Variants in PSMD6 observed in about 807,000 individuals in gnomAD.
PSMD6 encodes the protein 26S proteasome non-ATPase regulatory subunit 6.
PSMD6 carries 7 observed loss-of-function variants against 44.9 expected under a neutral mutation model. That is an observed-to-expected ratio of 0.16 (90% CI 0.09 to 0.29). The LOEUF (loss-of-function observed/expected upper bound fraction) is 0.29, where lower values mean the gene tolerates loss of function less well. Among genes scored for constraint, PSMD6 ranks in the 10% least tolerant of loss-of-function variants. The probability of loss-of-function intolerance (pLI) is 1.00; values close to 1 mark genes in which losing one functional copy is unlikely to be tolerated. For synonymous variants in PSMD6, 184 were observed against 172.7 expected (o/e 1.07, Z -0.51); for missense variants, 420 against 482.6 (o/e 0.87, Z 1.21).
intron 5 of PSMD6, chr3:64,017,338 C>G (rs2076061872): frequency 6.6e-6 from 1 of 151,940 alleles, no homozygotes. Context: ...TACAATAACC[C>G]CAGGAATGCA....
intron 1 of PSMD6, 129 bp from the exon 2 acceptor site, chr3:64,022,652 T>A (rs2076150881): frequency 6.4e-7 from 1 of 1,551,452 alleles, no homozygotes; most frequent in Non-Finnish European, 8.7e-7. Context: ...CAGGAAGGCA[T>A]GCGATGGCGC....
chr3:64,016,735 G>C (rs1345940401), intron 5 of PSMD6: 1 of 152,200 alleles, frequency 6.6e-6, no homozygotes, highest in Non-Finnish European at 1.5e-5. Context: ...TGATGGGAAT[G>C]TCAAATGGTG....
chr3:64,021,768 TC>T (rs995892616), intron 2 of PSMD6, among the ~76,000 whole-genome samples: 1 of 149,416 alleles, frequency 6.7e-6, no homozygotes, highest in African/African-American at 2.5e-5. Flanking sequence ...CCAAGATCAC[TC>T]CATTGTACTC....
chr3:64,018,845 G>C lies in PSMD6; in HGVS notation c.690C>G (p.Ala230=), dbSNP rs774293663. 2 of 1,590,072 alleles carry C rather than the reference G, an allele frequency of 1.3e-6. No individual in the cohort carries two copies. Among genetic ancestry groups the C allele is most frequent in the African/African-American group, 2.7e-5 (2 of 74,294 alleles). ...VTYTVYVSMI[A]LERPDLREKV... The stretch of plus-strand genomic sequence containing the variant: ...TTTCCCTGAGATCTGGTCTTTCTAA[G>C]GCAATCATACTGACATAGACAGTAT... Residue 230 remains alanine, a synonymous_variant, in exon 4 of 8, where the codon GCC becomes GCG. Coordinates refer to ENST00000295901, the MANE Select transcript of PSMD6 (RefSeq NM_014814.3).
At chr3:64,018,758 T>G (rs753563188) in intron 4 of PSMD6, 51 bp from the exon 5 acceptor site, 1 of 1,526,282 alleles carries the variant, frequency 6.6e-7, no homozygotes, top group African/African-American at 1.4e-5. Context: ...TTTTAATGAT[T>G]TGTGTATTTA....
At chr3:64,019,178 T>C (rs2076092876) in intron 3 of PSMD6, 118 bp downstream of exon 3, 1 of 1,396,496 alleles carries the variant, frequency 7.2e-7, no homozygotes. Flanking sequence ...ACTAAATAAG[T>C]ACATCAATTA....
upstream of PSMD6, chr3:64,023,530 G>T: frequency 1.4e-6 from 2 of 1,412,480 alleles, no homozygotes; most frequent in Non-Finnish European, 1.9e-6. Flanking sequence ...CCCGGCTTCC[G>T]GTCCCGTCTC....
intron 6 of PSMD6, chr3:64,011,608 G>T (rs1194532659): frequency 3.3e-5 from 5 of 151,680 alleles, no homozygotes; most frequent in African/African-American, 4.8e-5. Context: ...GAGCTCAGTG[G>T]TACAACCTTT....
Position 64,022,474 on chromosome 3 carries a change from T to A in PSMD6, c.195A>T (p.Ile65=). ...TCATTTTATTGAGTAGGTCCACGTC[T>A]ATCTGCCAGTCGAGGGATTTGCACA... The part of the protein sequence containing the change: ...EALCKSLDWQ[I]DVDLLNKMKK... Residue 65 remains isoleucine (I), a synonymous_variant, in exon 2 of 8, where the codon ATA becomes ATT. Transcript: ENST00000295901. 6.2e-7 allele frequency: 1 copy of A among 1,614,152 alleles called. No homozygotes were observed. Among genetic ancestry groups the A allele is most frequent in the Admixed American group, 1.7e-5 (1 of 60,028 alleles).
In PSMD6 at chr3:64,013,603, A is replaced by G. The variant is rs970715274; in HGVS notation, c.831T>C (p.Val277=). 3 of 1,600,796 alleles carry G rather than the reference A, an allele frequency of 1.9e-6. No homozygotes were observed. Among genetic ancestry groups the G allele is most frequent in the African/African-American group, 1.3e-5 (1 of 74,168 alleles). Residue 277 remains valine (V), a synonymous_variant, in exon 6 of 8, where the codon GTT becomes GTC. Transcript: ENST00000295901. The stretch of plus-strand genomic sequence containing the variant: ...AGTCCTTTTTCATTTCCTGTTCCAC[A>G]ACCGCTGCAATGAATAAAATGACAA... ...RYSVFFQSLA[V]VEQEMKKDWL... is the part of the protein sequence containing the mutation.
chr3:64,013,726 A>C, intron 5 of PSMD6, 119 bp from the exon 6 acceptor site: 2 of 900,330 alleles, frequency 2.2e-6, no homozygotes, highest in Non-Finnish European at 3.1e-6. Context: ...CAAATTTCTC[A>C]CTGCCCTTCC....
intron 5 of PSMD6, chr3:64,016,472 A>G (rs1256064577): frequency 3.9e-5 from 6 of 152,050 alleles, no homozygotes; most frequent in South Asian, 2.1e-4. Flanking sequence ...AAAAAAAAGC[A>G]TAAGTTCTGC....
At position 64,023,265 on chromosome 3, in the gene PSMD6, C is replaced by A. The variant is rs1313949975; in HGVS notation, c.145+10G>T. ...CTAGGCCGCTGACTCGGCGCTCGTG[C>A]GGGCCTCACTGTTATCGCGGACGGC... is the stretch of plus-strand genomic sequence containing the variant. On this transcript the variant is annotated intron_variant, in intron 1 of 7. Coordinates refer to ENST00000295901, the MANE Select transcript of PSMD6 (RefSeq NM_014814.3). The A allele has an allele frequency of 1.9e-6, 3 of 1,553,678 alleles. No homozygotes were observed. The highest frequency in any genetic ancestry group is 1.8e-4 in the Middle Eastern group (1 of 5,690).
intron 7 of PSMD6, 32 bp downstream of exon 7, chr3:64,010,846 G>A: frequency 6.3e-7 from 1 of 1,581,322 alleles, no homozygotes; most frequent in Non-Finnish European, 8.7e-7. Flanking sequence ...TTAAAATTTA[G>A]GAATGCCCCT....
chr3:64,020,509 T>C (rs995742198), intron 2 of PSMD6, among the ~76,000 whole-genome samples: 2 of 152,204 alleles, frequency 1.3e-5, no homozygotes, highest in Admixed American at 6.5e-5. Flanking sequence ...ATGTAATATA[T>C]TAGTCTTTAA....
chr3:64,023,397 T>A lies in PSMD6; in HGVS notation c.23A>T (p.Glu8Val). 1 of 1,605,024 alleles carries A rather than the reference T, an allele frequency of 6.2e-7. No homozygotes were observed. The highest frequency in any genetic ancestry group is 1.1e-5 in the South Asian group (1 of 90,634). The change falls in exon 1 of 8, where the codon GAG (glutamate) becomes GTG (valine). Residue 8 changes from glutamate (E) to valine (V), a missense_variant. Around this residue, in one of 4 missense-constraint regions of PSMD6, gnomAD observed 136 missense variants for 124.2 expected, o/e 1.09. Coordinates refer to ENST00000295901, the MANE Select transcript of PSMD6 (RefSeq NM_014814.3). MPLENLEEEGLPKNPDLR... is the reference protein window; with the variant it reads MPLENLEVEGLPKNPDLR... ...GTCGGGGTTCTTGGGCAGACCCTCC[T>A]CCTCCAGGTTCTCCAGCGGCATCGC...
chr3:64,018,463 G>T, intron 5 of PSMD6, 136 bp downstream of exon 5: 1 of 645,180 alleles, frequency 1.5e-6, no homozygotes. Flanking sequence ...GGGCACATTA[G>T]GAATACTGAT....
At chr3:64,020,999 A>G (rs1377429441) in intron 2 of PSMD6, among the ~76,000 whole-genome samples, 1 of 152,112 alleles carries the variant, frequency 6.6e-6, no homozygotes, top group Non-Finnish European at 1.5e-5. Flanking sequence ...AATGGTGAGT[A>G]CCCCTCTGGT....
Position 64,013,614 on chromosome 3 carries a change from T to A in PSMD6, c.827-7A>T. The A allele has an allele frequency of 6.3e-7, 1 of 1,596,558 alleles. No homozygotes were observed. On this transcript the variant is annotated splice_polypyrimidine_tract_variant and splice_region_variant and intron_variant, in intron 5 of 7. Transcript: ENST00000295901. Reference sequence around the variant, plus strand: ...ATTTCCTGTTCCACAACCGCTGCAATGAATAAAATGACAAATTATAATAGA... The same window carrying A: ...ATTTCCTGTTCCACAACCGCTGCAAAGAATAAAATGACAAATTATAATAGA...
Sources: gnomAD v4.1 joint callset for allele counts (sites outside exome capture counted in the v4.1 genomes callset) on GRCh38, gnomAD v4.1.1 for gene constraint, gnomAD v4.1.1 regional missense constraint, MANE v1.5 for transcripts, NCBI Gene and HGNC (gene_info 2026-07-23, HGNC 2026-07-21) for gene names.